The following COA1 variants were observed in gnomAD, a reference collection of about 807,000 sequenced individuals.
COA1 encodes cytochrome c oxidase assembly factor 1.
In COA1, 13 loss-of-function variants were observed where a neutral mutation model predicts 16.0. That is an observed-to-expected ratio of 0.81 (90% CI 0.53 to 1.29). The LOEUF (loss-of-function observed/expected upper bound fraction) is 1.29, where lower values mean the gene tolerates loss of function less well. Ranked by LOEUF, COA1 falls within the 50% of genes most tolerant of loss-of-function variation. The pLI is 0.00. For missense variants in COA1, 179 were observed against 177.0 expected (o/e 1.01, Z -0.06); for synonymous variants, 65 against 65.7 (o/e 0.99, Z 0.05).
intron 6 of COA1, among the ~76,000 whole-genome samples, chr7:43,627,065 C>G (rs562812992): frequency 5.8e-4 from 88 of 152,196 alleles, no homozygotes; most frequent in African/African-American, 2.0e-3. Context: ...TTTCTATCAC[C>G]AAATTTATAA....
intron 1 of COA1, among the ~76,000 whole-genome samples, chr7:43,659,785 A>G (rs1055207085): frequency 6.6e-6 from 1 of 151,948 alleles, no homozygotes; most frequent in Non-Finnish European, 1.5e-5. Context: ...CCCCCATTCT[A>G]TATTAGGGGC....
downstream of COA1, among the ~76,000 whole-genome samples, chr7:43,635,039 T>G (rs953049189): frequency 1.3e-5 from 2 of 152,136 alleles, no homozygotes; most frequent in Non-Finnish European, 2.9e-5. Flanking sequence ...GAAGTGTGTC[T>G]ACTCTTTCTT....
intron 1 of COA1, among the ~76,000 whole-genome samples, chr7:43,724,090 C>T (rs1372516831): frequency 1.3e-5 from 2 of 152,102 alleles, no homozygotes; most frequent in Non-Finnish European, 2.9e-5. Context: ...GGAAATAGTC[C>T]TTTGGAAAGG....
intron 1 of COA1, among the ~76,000 whole-genome samples, chr7:43,686,417 C>T (rs1340644932): frequency 4.6e-5 from 7 of 151,494 alleles, no homozygotes; most frequent in African/African-American, 1.7e-4. Flanking sequence ...CGCCATTCTC[C>T]TGCCTCAGCC....
At chr7:43,724,038 T>C (rs915027482) in intron 1 of COA1, among the ~76,000 whole-genome samples, 2 of 152,210 alleles carry the variant, frequency 1.3e-5, no homozygotes, top group Non-Finnish European at 2.9e-5. Context: ...AACTCAAAGA[T>C]CTCCAAGTCC....
At chr7:43,716,320 T>C (rs1247001485) in intron 1 of COA1, among the ~76,000 whole-genome samples, 1 of 152,078 alleles carries the variant, frequency 6.6e-6, no homozygotes, top group African/African-American at 2.4e-5. Context: ...CTGATAGTGA[T>C]ATGAAGAGTA....
At chr7:43,646,007 G>A (rs1205500369) in intron 3 of COA1, 1 of 153,330 alleles carries the variant, frequency 6.5e-6, no homozygotes, top group African/African-American at 2.4e-5. Context: ...TGAGCCCACA[G>A]GCTACCTGGG....
chr7:43,645,569 CA>C, intron 3 of COA1, 170 bp from the exon 4 acceptor site: 1 of 615,296 alleles, frequency 1.6e-6, no homozygotes, highest in Non-Finnish European at 2.8e-6. Context: ...TTTACAGACT[CA>C]AAAACCAAAG....
downstream of COA1, among the ~76,000 whole-genome samples, chr7:43,635,291 A>G (rs2085682592): frequency 6.6e-6 from 1 of 152,162 alleles, no homozygotes; most frequent in Admixed American, 6.5e-5. Flanking sequence ...CCGATATTGA[A>G]CCACCTTTGC....
intron 1 of COA1, among the ~76,000 whole-genome samples, chr7:43,677,156 T>C (rs558139692): frequency 2.0e-5 from 3 of 152,244 alleles, no homozygotes; most frequent in South Asian, 2.1e-4. Flanking sequence ...TGTTGAATAT[T>C]AGAAGAAAGT....
intron 1 of COA1, among the ~76,000 whole-genome samples, chr7:43,670,500 T>C (rs960057952): frequency 3.3e-5 from 5 of 152,186 alleles, no homozygotes; most frequent in Non-Finnish European, 7.4e-5. Context: ...AAGTAATTAA[T>C]CTATTTATTC....
chr7:43,611,338 A>G (rs1052825668), intron 6 of COA1, among the ~76,000 whole-genome samples: 5 of 152,194 alleles, frequency 3.3e-5, no homozygotes, highest in African/African-American at 1.2e-4. Context: ...AATTCATTTT[A>G]TACACATTTA....
At chr7:43,640,544 C>A in intron 5 of COA1, 29 bp downstream of exon 5, 1 of 1,525,978 alleles carries the variant, frequency 6.6e-7, no homozygotes, top group South Asian at 1.2e-5. Flanking sequence ...TCCTCCCGCT[C>A]CCCCACTGCC....
intron 1 of COA1, among the ~76,000 whole-genome samples, chr7:43,695,890 C>T (rs527726223): frequency 7.9e-5 from 12 of 152,350 alleles, no homozygotes; most frequent in East Asian, 1.9e-4. Context: ...CAGCAACTCC[C>T]TTACAAATAC....
At chr7:43,619,479 T>G (rs2083650952) in intron 6 of COA1, 17 of 1,260,202 alleles carry the variant, frequency 1.3e-5, no homozygotes, top group Admixed American at 2.2e-5. Context: ...AACAAATGAC[T>G]GTTTACTGTT....
intron 6 of COA1, among the ~76,000 whole-genome samples, chr7:43,630,575 G>A (rs149799725): frequency 1.3e-3 from 203 of 152,144 alleles, no homozygotes; most frequent in African/African-American, 4.6e-3. Flanking sequence ...CCCTGCCCCC[G>A]CTTTTTTTCT....
rs190401531 is a variant in COA1 at position 43,675,833 on chromosome 7, A to G, written c.-38-27181T>C. Among the ~76,000 whole-genome samples, 454 of 152,274 alleles carry G rather than the reference A, an allele frequency of 3.0e-3. 3 individuals are homozygous for G. Among genetic ancestry groups the G allele is most frequent in the Middle Eastern group, 0.017 (5 of 294 alleles). ...ATCTTATCAAGGGATCCTATACTGAATTCTAACATCTAACATCTAATTCTA... is the reference window on the plus strand; with the variant it reads ...ATCTTATCAAGGGATCCTATACTGAGTTCTAACATCTAACATCTAATTCTA... On this transcript the variant is annotated intron_variant, in intron 1 of 5. Coordinates refer to ENST00000223336, the MANE Select transcript of COA1 (RefSeq NM_018224.4).
intron 1 of COA1, among the ~76,000 whole-genome samples, chr7:43,720,782 T>A (rs2095491584): frequency 6.6e-6 from 1 of 152,220 alleles, no homozygotes; most frequent in African/African-American, 2.4e-5. Context: ...AGACATTAAG[T>A]TGCTGGAAGT....
chr7:43,635,338 G>A (rs1046678290), downstream of COA1, among the ~76,000 whole-genome samples: 5 of 152,090 alleles, frequency 3.3e-5, no homozygotes, highest in African/African-American at 7.2e-5. Context: ...ACTGTTAACA[G>A]CAGGGTGCAC....
Sources: gnomAD v4.1 joint callset for allele counts (sites outside exome capture counted in the v4.1 genomes callset) on GRCh38, gnomAD v4.1.1 for gene constraint, MANE v1.5 for transcripts, NCBI Gene and HGNC (gene_info 2026-07-23, HGNC 2026-07-21) for gene names.